RYR2: variants seen among roughly 807,000 people sequenced by gnomAD.
RYR2 encodes ryanodine receptor 2.
In RYR2, 227 loss-of-function variants were observed where a neutral mutation model predicts 601.1. The observed-to-expected ratio is 0.38, with a 90% CI of 0.34 to 0.42. The LOEUF is 0.42. Among genes scored for constraint, RYR2 ranks in the 10% least tolerant of loss-of-function variants. The pLI is 1.00. For missense variants in RYR2, 4,646 were observed against 6,156.5 expected, an observed-to-expected ratio of 0.75 and a Z score of 8.21; for synonymous variants, 2,223 against 2,175.1, an observed-to-expected ratio of 1.02 and a Z score of -0.61.
chr1:237,540,281 G>A (rs1026120218), intron 25 of RYR2, among the ~76,000 whole-genome samples: 8 of 151,958 alleles, frequency 5.3e-5, no homozygotes, highest in Admixed American at 1.3e-4. Flanking sequence ...GAGATTGTTC[G>A]AAAAGCTGTA....
At chr1:237,546,625 C>T (rs181523571) in intron 25 of RYR2, among the ~76,000 whole-genome samples, 49 of 152,222 alleles carry the variant, frequency 3.2e-4, no homozygotes, top group Admixed American at 9.8e-4. Flanking sequence ...AAGCGATCCA[C>T]CTGCCTCGGC....
At chr1:237,090,139 G>A (rs1053903536) in intron 1 of RYR2, among the ~76,000 whole-genome samples, 3 of 151,976 alleles carry the variant, frequency 2.0e-5, no homozygotes, top group Non-Finnish European at 2.9e-5. Context: ...GGGGGAAACC[G>A]CCCCCATGAT....
intron 79 of RYR2, among the ~76,000 whole-genome samples, chr1:237,735,842 G>A (rs889215088): frequency 2.0e-5 from 3 of 152,132 alleles, no homozygotes; most frequent in Admixed American, 2.0e-4. Context: ...AAAAATATCT[G>A]TACATGTTCA....
intron 1 of RYR2, among the ~76,000 whole-genome samples, chr1:237,182,322 A>G (rs1490427522): frequency 2.0e-5 from 3 of 151,920 alleles, no homozygotes; most frequent in Non-Finnish European, 4.4e-5. Context: ...GGATTTTACC[A>G]TGTTGGCCAG....
chr1:237,504,108 T>C (rs1325400861), intron 22 of RYR2, among the ~76,000 whole-genome samples: 4 of 152,370 alleles, frequency 2.6e-5, no homozygotes, highest in East Asian at 3.9e-4. Context: ...TTCAAGGTTG[T>C]CTTTAAAGTT....
intron 10 of RYR2, among the ~76,000 whole-genome samples, chr1:237,389,806 A>G (rs1035920481): frequency 6.6e-6 from 1 of 152,200 alleles, no homozygotes; most frequent in Non-Finnish European, 1.5e-5. Flanking sequence ...GGGATGTCTG[A>G]GTCTTTAACT....
intron 1 of RYR2, among the ~76,000 whole-genome samples, chr1:237,247,589 C>A (rs1686985761): frequency 6.6e-6 from 1 of 152,128 alleles, no homozygotes; most frequent in African/African-American, 2.4e-5. Flanking sequence ...AAAAGGGGCT[C>A]AGATGACAGG....
intron 1 of RYR2, among the ~76,000 whole-genome samples, chr1:237,208,869 C>T (rs12731626): frequency 0.26 from 36,988 of 143,876 alleles, 5,079 homozygotes; most frequent in South Asian, 0.41. Flanking sequence ...CTTTGTATTT[C>T]CCCTCGCTAT....
intron 12 of RYR2, among the ~76,000 whole-genome samples, chr1:237,431,068 C>G (rs1412448944): frequency 6.6e-6 from 1 of 152,136 alleles, no homozygotes; most frequent in Non-Finnish European, 1.5e-5. Context: ...TGGAACCACT[C>G]GAGTGTACAG....
intron 25 of RYR2, among the ~76,000 whole-genome samples, chr1:237,535,530 C>T (rs1367407184): frequency 1.3e-5 from 2 of 150,198 alleles, no homozygotes; most frequent in African/African-American, 4.9e-5. Context: ...TCCCAAACAA[C>T]TTTTCTATTG....
intron 27 of RYR2, among the ~76,000 whole-genome samples, chr1:237,564,294 A>G (rs1405760700): frequency 6.6e-6 from 1 of 152,100 alleles, no homozygotes. Context: ...TTTTAAACAC[A>G]GAGTCTTGCT....
At chr1:237,388,035 A>G (rs1014925797) in intron 9 of RYR2, 52 bp from the exon 10 acceptor site, 60 of 1,488,656 alleles carry the variant, frequency 4.0e-5, no homozygotes, top group South Asian at 3.1e-4. Context: ...CTGTCTGGCT[A>G]TCAGCACCTG....
intron 89 of RYR2, among the ~76,000 whole-genome samples, chr1:237,782,167 T>TTTTG (rs1558400794): frequency 6.8e-6 from 1 of 146,880 alleles, no homozygotes; most frequent in Non-Finnish European, 1.5e-5. Context: ...TCCCAGCTTA[T>TTTTG]TTTGTTATTG....
In RYR2 at chr1:237,275,378, T is replaced by C. The variant is rs529651987; in HGVS notation, c.168+4762T>C. ...ACAAAGGCATTCAGAAAGGGAAAAA[T>C]AAAAGGATAGACAAGGATATACCAA... On this transcript the variant is annotated intron_variant, in intron 2 of 104. Coordinates refer to ENST00000366574, the MANE Select transcript of RYR2 (RefSeq NM_001035.3). Among the ~76,000 whole-genome samples the C allele has an allele frequency of 6.0e-4, 91 of 151,540 alleles. 1 individual carries two copies. Among genetic ancestry groups the C allele is most frequent in the African/African-American group, 2.2e-3 (89 of 41,366 alleles).
intron 1 of RYR2, among the ~76,000 whole-genome samples, chr1:237,126,319 A>G (rs568491240): frequency 6.6e-6 from 1 of 152,036 alleles, no homozygotes; most frequent in South Asian, 2.1e-4. Flanking sequence ...CTTCCAGGGA[A>G]CTTGCTATGA....
intron 1 of RYR2, among the ~76,000 whole-genome samples, chr1:237,110,475 C>T (rs141834972): frequency 1.4e-3 from 208 of 144,020 alleles, no homozygotes; most frequent in African/African-American, 5.0e-3. Context: ...TCCATGTGTT[C>T]TCATTGTTCA....
chr1:237,109,281 A>G (rs1379516770), intron 1 of RYR2, among the ~76,000 whole-genome samples: 1 of 152,050 alleles, frequency 6.6e-6, no homozygotes, highest in South Asian at 2.1e-4. Context: ...GGGAAGTCCC[A>G]TGAATGCTTC....
At chr1:237,068,075 A>G (rs1402477459) in intron 1 of RYR2, among the ~76,000 whole-genome samples, 2 of 137,914 alleles carry the variant, frequency 1.5e-5, no homozygotes, top group African/African-American at 2.8e-5. Flanking sequence ...CTATTTTTAG[A>G]CTCTTTCACT....
intron 25 of RYR2, among the ~76,000 whole-genome samples, chr1:237,535,848 A>G (rs1157017937): frequency 6.6e-6 from 1 of 152,210 alleles, no homozygotes; most frequent in African/African-American, 2.4e-5. Flanking sequence ...GATCATCCCA[A>G]TGTATTTAGA....
Sources: gnomAD v4.1 joint callset for allele counts (sites outside exome capture counted in the v4.1 genomes callset) on GRCh38, gnomAD v4.1.1 for gene constraint, MANE v1.5 for transcripts, NCBI Gene and HGNC (gene_info 2026-07-23, HGNC 2026-07-21) for gene names.